MDGA2: variants seen among roughly 807,000 people sequenced by gnomAD.
MDGA2 encodes MAM domain containing glycosylphosphatidylinositol anchor 2, also known as MAM domain-containing glycosylphosphatidylinositol anchor protein 2.
MDGA2 carries 40 observed loss-of-function variants against 117.8 expected under a neutral mutation model. That is an observed-to-expected ratio of 0.34 (90% confidence interval 0.26 to 0.44). The LOEUF (loss-of-function observed/expected upper bound fraction) is 0.44, where lower values mean the gene tolerates loss of function less well. Among genes scored for constraint, MDGA2 ranks in the 20% least tolerant of loss-of-function variants. The pLI, the probability that MDGA2 is intolerant of heterozygous loss-of-function variation, is 1.00. For missense variants in MDGA2, 1,123 were observed against 1,250.6 expected (o/e 0.90, Z 1.54); for synonymous variants, 452 against 439.0 (o/e 1.03, Z -0.37).
chr14:46,970,084 T>A (rs193143970), intron 8 of MDGA2, among the ~76,000 whole-genome samples: 1 of 151,430 alleles, frequency 6.6e-6, no homozygotes, highest in African/African-American at 2.4e-5. Context: ...TCCATTTTCA[T>A]GAATAAGAAG....
chr14:46,873,564 C>G lies in MDGA2; in HGVS notation c.2621G>C (p.Arg874Pro). ...EGFYMYIETS[R>P]PRLEGEKARL... ...AGCCTTTTCGCCTTCCAATCTGGGT[C>G]GTGATGTCTCAATGTACATATAAAA... Residue 874 changes from arginine (R) to proline (P), a missense_variant, in exon 14 of 17, where the codon CGA becomes CCA. By Grantham distance (103) the Arg-to-Pro change is moderately radical. Transcript: ENST00000399232. The G allele has an allele frequency of 6.2e-7, 1 of 1,612,002 alleles. No homozygotes were observed. Among genetic ancestry groups the G allele is most frequent in the Non-Finnish European group, 8.5e-7 (1 of 1,178,838 alleles).
chr14:47,124,802 G>C (rs750337972), intron 5 of MDGA2, among the ~76,000 whole-genome samples: 11 of 152,020 alleles, frequency 7.2e-5, no homozygotes, highest in Non-Finnish European at 1.3e-4. Flanking sequence ...CAGAGGAAAG[G>C]TTATATGAAG....
intron 3 of MDGA2, among the ~76,000 whole-genome samples, chr14:47,176,507 A>C (rs896100451): frequency 3.9e-5 from 6 of 152,148 alleles, no homozygotes; most frequent in African/African-American, 1.4e-4. Context: ...CATATCTACA[A>C]CTATCTGATC....
intron 10 of MDGA2, among the ~76,000 whole-genome samples, chr14:46,912,325 G>C (rs140090343): frequency 6.6e-6 from 1 of 152,014 alleles, no homozygotes; most frequent in Non-Finnish European, 1.5e-5. Flanking sequence ...TTTCTACCCT[G>C]CAGTTCGTTT....
intron 8 of MDGA2, among the ~76,000 whole-genome samples, chr14:47,019,477 T>G (rs1057303512): frequency 6.6e-6 from 1 of 152,140 alleles, no homozygotes; most frequent in African/African-American, 2.4e-5. Flanking sequence ...AAAACCGCAA[T>G]TACTTTCTCA....
chr14:47,244,880 A>G (rs1887186411), intron 2 of MDGA2, among the ~76,000 whole-genome samples: 1 of 151,752 alleles, frequency 6.6e-6, no homozygotes, highest in Non-Finnish European at 1.5e-5. Flanking sequence ...TTCCATCCCT[A>G]AGACAGCAAG....
chr14:47,282,700 A>T (rs1010621493), intron 2 of MDGA2, among the ~76,000 whole-genome samples: 82 of 151,468 alleles, frequency 5.4e-4, no homozygotes, highest in African/African-American at 1.8e-3. Flanking sequence ...GTGTCTCAAA[A>T]AAAAAAACAA....
At chr14:47,410,715 A>G (rs889284832) in intron 1 of MDGA2, among the ~76,000 whole-genome samples, 24 of 152,120 alleles carry the variant, frequency 1.6e-4, no homozygotes, top group African/African-American at 5.8e-4. Context: ...CCACATTCCT[A>G]ATTTTTCTAT....
At chr14:47,109,735 C>T (rs1198761747) in intron 5 of MDGA2, among the ~76,000 whole-genome samples, 1 of 152,052 alleles carries the variant, frequency 6.6e-6, no homozygotes, top group Non-Finnish European at 1.5e-5. Context: ...CACTTGAGGT[C>T]GGGAGTTCAA....
chr14:47,199,674 T>C (rs566171531), intron 3 of MDGA2, among the ~76,000 whole-genome samples: 4 of 152,262 alleles, frequency 2.6e-5, no homozygotes, highest in African/African-American at 9.6e-5. Context: ...GTGGAATAAA[T>C]ATTAATAATA....
chr14:47,466,917 A>G (rs1893616325), intron 1 of MDGA2, among the ~76,000 whole-genome samples: 1 of 152,056 alleles, frequency 6.6e-6, no homozygotes, highest in Non-Finnish European at 1.5e-5. Flanking sequence ...GGCACAATGT[A>G]AGTAAAAGAA....
Position 46,850,536 on chromosome 14 carries a change from T to C in MDGA2, c.2883+4488A>G, listed in dbSNP as rs940062070. On this transcript the variant is annotated intron_variant, in intron 15 of 16. Coordinates refer to ENST00000399232, the MANE Select transcript of MDGA2 (RefSeq NM_001113498.3). ...GACTGCAGTTTGAAAATTGACAGTATATGTCACTTTGAAAAACTTCAGGAT... is the reference window on the plus strand; with the variant it reads ...GACTGCAGTTTGAAAATTGACAGTACATGTCACTTTGAAAAACTTCAGGAT... Among the ~76,000 whole-genome samples, 4 of 151,912 alleles carry C rather than the reference T, an allele frequency of 2.6e-5. 1 individual carries two copies. The highest frequency in any genetic ancestry group is 1.3e-4 in the Admixed American group (2 of 15,212).
At chr14:46,901,607 T>C (rs1287068279) in intron 10 of MDGA2, among the ~76,000 whole-genome samples, 1 of 152,226 alleles carries the variant, frequency 6.6e-6, no homozygotes, top group African/African-American at 2.4e-5. Flanking sequence ...ACATTGAGGA[T>C]AATGCAGAAA....
chr14:47,407,610 G>T (rs148791091), intron 1 of MDGA2, among the ~76,000 whole-genome samples: 2 of 152,062 alleles, frequency 1.3e-5, no homozygotes, highest in Non-Finnish European at 2.9e-5. Flanking sequence ...CTTAGAGAAG[G>T]ATATGGGAAT....
intron 6 of MDGA2, among the ~76,000 whole-genome samples, chr14:47,085,502 T>C (rs1306964918): frequency 1.3e-5 from 2 of 152,200 alleles, no homozygotes; most frequent in Non-Finnish European, 2.9e-5. Context: ...TTGGAACCAC[T>C]TCATTCTTGC....
chr14:47,401,938 G>A (rs958395149), intron 1 of MDGA2, among the ~76,000 whole-genome samples: 31 of 152,172 alleles, frequency 2.0e-4, no homozygotes, highest in African/African-American at 7.2e-4. Flanking sequence ...ATATTCAAAT[G>A]CCTCGTAACA....
At position 47,011,025 on chromosome 14, in the gene MDGA2, G is replaced by C. The variant is rs1427156953; in HGVS notation, c.1819+23986C>G. On this transcript the variant is annotated intron_variant, in intron 8 of 16. Coordinates refer to ENST00000399232, the MANE Select transcript of MDGA2 (RefSeq NM_001113498.3). Reference sequence around the variant, plus strand: ...TTCACATTATGTTTATGTACAGAGAGTATTTAAGGTTAATGATTAGAAGTT... The same window carrying C: ...TTCACATTATGTTTATGTACAGAGACTATTTAAGGTTAATGATTAGAAGTT... Among the ~76,000 whole-genome samples the C allele has an allele frequency of 2.0e-5, 3 of 152,120 alleles. No homozygotes were observed. The South Asian group carries it at 6.2e-4, about 32-fold the overall frequency.
At chr14:47,100,849 C>A (rs1442154194) in intron 5 of MDGA2, among the ~76,000 whole-genome samples, 1 of 151,838 alleles carries the variant, frequency 6.6e-6, no homozygotes, top group Non-Finnish European at 1.5e-5. Context: ...AAAATAATTC[C>A]AACTACACCA....
intron 3 of MDGA2, among the ~76,000 whole-genome samples, chr14:47,162,161 G>A (rs957585153): frequency 6.6e-6 from 1 of 151,746 alleles, no homozygotes; most frequent in Non-Finnish European, 1.5e-5. Flanking sequence ...TAGCCAGGCT[G>A]GTCTGGATCT....
Sources: allele counts gnomAD v4.1 joint callset (sites outside exome capture counted in the v4.1 genomes callset), GRCh38; gene constraint gnomAD v4.1.1; transcripts MANE v1.5; gene names NCBI Gene and HGNC (gene_info 2026-07-23, HGNC 2026-07-21).